Variants in RALGPS1 observed in about 807,000 individuals in gnomAD.
The protein encoded by RALGPS1 is ras-specific guanine nucleotide-releasing factor RalGPS1.
In RALGPS1, 19 loss-of-function variants were observed where a neutral mutation model predicts 78.8. That is an observed-to-expected ratio of 0.24 (90% CI 0.17 to 0.35). The LOEUF is 0.35. Among genes scored for constraint, RALGPS1 ranks in the 10% least tolerant of loss-of-function variants. The probability of loss-of-function intolerance (pLI) is 1.00; values close to 1 mark genes in which losing one functional copy is unlikely to be tolerated. For synonymous variants in RALGPS1, 228 were observed against 256.3 expected (o/e 0.89, Z 1.06); for missense variants, 454 against 688.3 (o/e 0.66, Z 3.81).
At chr9:127,034,161 G>C (rs1188388995) in intron 4 of RALGPS1, among the ~76,000 whole-genome samples, 1 of 152,234 alleles carries the variant, frequency 6.6e-6, no homozygotes, top group Non-Finnish European at 1.5e-5. Context: ...GAAGCTGGCA[G>C]AGTGGCAGTG....
At chr9:127,177,293 G>C (rs530457800) in intron 11 of RALGPS1, among the ~76,000 whole-genome samples, 1 of 152,264 alleles carries the variant, frequency 6.6e-6, no homozygotes, top group African/African-American at 2.4e-5. Context: ...TGTTGCTGCA[G>C]CCTCACGACT....
At chr9:126,925,832 G>A (rs1488504023) in intron 1 of RALGPS1, among the ~76,000 whole-genome samples, 3 of 152,200 alleles carry the variant, frequency 2.0e-5, no homozygotes, top group African/African-American at 7.2e-5. Flanking sequence ...CCTTTAAGCT[G>A]ACACCTGAAA....
At chr9:127,184,249 G>T (rs1024741016) in intron 11 of RALGPS1, 3 of 520,814 alleles carry the variant, frequency 5.8e-6, no homozygotes, top group South Asian at 2.0e-5. Flanking sequence ...GATCCCAGGA[G>T]GGGGAGGCTA....
At chr9:126,923,358 G>A (rs2034954917) in intron 1 of RALGPS1, among the ~76,000 whole-genome samples, 1 of 152,206 alleles carries the variant, frequency 6.6e-6, no homozygotes, top group African/African-American at 2.4e-5. Context: ...AACGCCTCAA[G>A]TGCCTGTTCT....
At chr9:126,977,021 A>G (rs1178408542) in intron 3 of RALGPS1, among the ~76,000 whole-genome samples, 1 of 152,196 alleles carries the variant, frequency 6.6e-6, no homozygotes, top group African/African-American at 2.4e-5. Context: ...TCCATTTGCA[A>G]TAATTTGAGG....
intron 4 of RALGPS1, among the ~76,000 whole-genome samples, chr9:127,027,755 T>A (rs1340953144): frequency 6.6e-6 from 1 of 152,202 alleles, no homozygotes; most frequent in Non-Finnish European, 1.5e-5. Context: ...TAGTCTCAGA[T>A]TGTTGTGAGT....
chr9:127,132,274 C>G (rs986968232), intron 8 of RALGPS1, among the ~76,000 whole-genome samples: 18 of 152,150 alleles, frequency 1.2e-4, no homozygotes, highest in Non-Finnish European at 2.1e-4. Flanking sequence ...CGACTGATTT[C>G]ATTAACACGT....
chr9:126,954,473 A>C (rs2038158719), intron 1 of RALGPS1, among the ~76,000 whole-genome samples: 1 of 152,140 alleles, frequency 6.6e-6, no homozygotes, highest in Admixed American at 6.5e-5. Flanking sequence ...TGATCAGATC[A>C]TGTCACTCCC....
intron 8 of RALGPS1, chr9:127,108,798 G>C: frequency 6.7e-7 from 1 of 1,486,544 alleles, no homozygotes; most frequent in Non-Finnish European, 9.0e-7. Context: ...TAAACAGAGG[G>C]GAGAATCAGT....
chr9:126,917,314 G>A (rs113712138), intron 1 of RALGPS1, among the ~76,000 whole-genome samples: 9 of 152,328 alleles, frequency 5.9e-5, no homozygotes, highest in African/African-American at 2.2e-4. Flanking sequence ...TGGGTTAGAA[G>A]GAAAGCTCAA....
chr9:127,097,622 G>A (rs1314366849), intron 8 of RALGPS1, among the ~76,000 whole-genome samples: 1 of 152,236 alleles, frequency 6.6e-6, no homozygotes, highest in South Asian at 2.1e-4. Context: ...GTAAAATTAT[G>A]TGGCTCCTTT....
intron 8 of RALGPS1, among the ~76,000 whole-genome samples, chr9:127,095,254 C>T (rs539694058): frequency 1.3e-5 from 2 of 152,116 alleles, no homozygotes; most frequent in African/African-American, 4.8e-5. Flanking sequence ...AAAAATTAGC[C>T]GTGTGTGGTG....
intron 11 of RALGPS1, among the ~76,000 whole-genome samples, chr9:127,191,018 G>A (rs1398694528): frequency 1.3e-5 from 2 of 151,964 alleles, no homozygotes; most frequent in Admixed American, 6.6e-5. Context: ...ATTGTTACTG[G>A]CCATTTGGAG....
chr9:126,987,377 G>C (rs867496675), intron 4 of RALGPS1, among the ~76,000 whole-genome samples: 1 of 152,188 alleles, frequency 6.6e-6, no homozygotes, highest in South Asian at 2.1e-4. Context: ...ATTTCAGGCA[G>C]AATGAATAAC....
In RALGPS1 at chr9:127,220,981, G is replaced by C. The variant is rs919384522; in HGVS notation, c.*2212G>C. The C allele has an allele frequency of 2.6e-5, 4 of 152,742 alleles. No individual in the cohort carries two copies. The highest frequency in any genetic ancestry group is 9.6e-5 in the African/African-American group (4 of 41,582). The allele number at this position is 152,742 out of a possible 1,614,324, so 9.5% of individuals were successfully genotyped here. On this transcript the variant is annotated 3_prime_UTR_variant, in exon 19 of 19. Coordinates refer to ENST00000259351, the MANE Select transcript of RALGPS1 (RefSeq NM_014636.3). ...AATGTTTAGTCTTCTCACTAATTGA[G>C]TCTGCTTCCACGTCCTCTCCCAGGA...
intron 1 of RALGPS1, among the ~76,000 whole-genome samples, chr9:126,931,587 C>T (rs1004606270): frequency 1.3e-5 from 2 of 152,010 alleles, no homozygotes; most frequent in Non-Finnish European, 2.9e-5. Context: ...AGACACAGAA[C>T]GTAGATTCAT....
chr9:126,956,244 C>CG (rs758711100), intron 1 of RALGPS1, among the ~76,000 whole-genome samples: 14 of 151,820 alleles, frequency 9.2e-5, no homozygotes, highest in Non-Finnish European at 1.2e-4. Flanking sequence ...AAGCTGTTCT[C>CG]AGGGCGGGGC....
intron 4 of RALGPS1, among the ~76,000 whole-genome samples, chr9:126,986,459 G>A (rs2041810098): frequency 1.3e-5 from 2 of 152,192 alleles, no homozygotes; most frequent in Non-Finnish European, 2.9e-5. Flanking sequence ...GGGCTGCATT[G>A]TAAAGGAGGT....
chr9:127,028,468 C>T (rs2046146224), intron 4 of RALGPS1, among the ~76,000 whole-genome samples: 1 of 152,242 alleles, frequency 6.6e-6, no homozygotes, highest in African/African-American at 2.4e-5. Context: ...GTGTGTAGCA[C>T]AGTTCCTGGC....
Sources: gnomAD v4.1 joint callset for allele counts (sites outside exome capture counted in the v4.1 genomes callset) on GRCh38, gnomAD v4.1.1 for gene constraint, MANE v1.5 for transcripts, NCBI Gene and HGNC (gene_info 2026-07-23, HGNC 2026-07-21) for gene names.